Variants in KATNBL1 observed in about 807,000 individuals in gnomAD.
KATNBL1 encodes the protein katanin regulatory subunit B1 like 1.
KATNBL1 carries 28 observed loss-of-function variants against 44.7 expected under a neutral mutation model. The ratio of observed to expected loss-of-function variants is 0.63; its 90% CI spans 0.46 to 0.86. The LOEUF (loss-of-function observed/expected upper bound fraction) is 0.86. Ranked by LOEUF, KATNBL1 falls within the 40% of genes least tolerant of loss-of-function variation. The pLI, the probability that KATNBL1 is intolerant of heterozygous loss-of-function variation, is 0.00. For synonymous variants in KATNBL1, 78 were observed against 114.9 expected (o/e 0.68, Z 2.06); for missense variants, 272 against 350.7 (o/e 0.78, Z 1.79).
chr15:34,202,590 G>C (rs924072718), intron 1 of KATNBL1, among the ~76,000 whole-genome samples: 4 of 152,146 alleles, frequency 2.6e-5, no homozygotes, highest in African/African-American at 9.7e-5. Flanking sequence ...CTCTCTCAGG[G>C]AACACTTTCT....
At chr15:34,192,583 G>A (rs534807624) in intron 1 of KATNBL1, among the ~76,000 whole-genome samples, 1 of 152,224 alleles carries the variant, frequency 6.6e-6, no homozygotes, top group African/African-American at 2.4e-5. Flanking sequence ...TCTCTTCAAT[G>A]ACTGTATACG....
chr15:34,194,891 C>T lies in KATNBL1; in HGVS notation c.-15+15060G>A, dbSNP rs540540578. On this transcript the variant is annotated intron_variant, in intron 1 of 9. Transcript: ENST00000256544. ...CTAATCACAGAAATGCAAATTACAA[C>T]TACAATGAAATATCATCTTACACCA... Among the ~76,000 whole-genome samples, 17 of 152,232 alleles carry T rather than the reference C, an allele frequency of 1.1e-4. 1 individual carries two copies. Among genetic ancestry groups the T allele is most frequent in the Middle Eastern group, 3.4e-3 (1 of 294 alleles).
chr15:34,205,242 T>C (rs990330648), intron 1 of KATNBL1, among the ~76,000 whole-genome samples: 3 of 152,178 alleles, frequency 2.0e-5, no homozygotes, highest in Non-Finnish European at 4.4e-5. Flanking sequence ...ACCGCCCACG[T>C]AGGCCTCCCA....
At chr15:34,151,540 C>T (rs1888478170) in intron 4 of KATNBL1, among the ~76,000 whole-genome samples, 1 of 148,492 alleles carries the variant, frequency 6.7e-6, no homozygotes, top group East Asian at 2.0e-4. Context: ...CAACCTTTGC[C>T]TCCCGGGTTC....
Position 34,205,679 on chromosome 15 carries a change from C to CA in KATNBL1, c.-15+4271dup, listed in dbSNP as rs558110093. 2.6e-4 allele frequency among the ~76,000 whole-genome samples: 40 copies of CA among 152,306 alleles called. No individual in the cohort carries two copies. The East Asian group carries it at 7.1e-3, about 27-fold the overall frequency. On this transcript the variant is annotated intron_variant, in intron 1 of 9. Transcript: ENST00000256544. ...GCATTTTGAATTCCTTCAAGATACT[C>CA]AGAGCATCTGCGCAGTACTCCAACA... is the stretch of plus-strand genomic sequence containing the variant.
intron 1 of KATNBL1, among the ~76,000 whole-genome samples, chr15:34,180,667 C>T (rs890959572): frequency 2.0e-5 from 3 of 152,222 alleles, no homozygotes; most frequent in Admixed American, 2.0e-4. Flanking sequence ...CCCTTCCTAG[C>T]TATCACATTT....
At chr15:34,189,244 G>A (rs542245245) in intron 1 of KATNBL1, among the ~76,000 whole-genome samples, 1 of 152,094 alleles carries the variant, frequency 6.6e-6, no homozygotes, top group Non-Finnish European at 1.5e-5. Context: ...GGCTGGTCTC[G>A]AAGTCCCAAC....
In KATNBL1 at chr15:34,152,844, A is replaced by G. The variant is rs768282190; in HGVS notation, c.384T>C (p.Ser128=). 3 of 1,613,760 alleles carry G rather than the reference A, an allele frequency of 1.9e-6. No individual in the cohort carries two copies. The highest frequency in any genetic ancestry group is 2.5e-6 in the Non-Finnish European group (3 of 1,179,788). Residue 128 remains serine (S), a synonymous_variant, in exon 4 of 10, where the codon TCT becomes TCC. Coordinates refer to ENST00000256544, the MANE Select transcript of KATNBL1 (RefSeq NM_024713.3). ...ATGGGCTTTCTGTCTGTGAAGAACC[A>G]GAATCACTGGAGTTAACCAAATATG... ...SRTYLVNSSD[S]GSSQTESPSS...
chr15:34,150,354 G>A (rs1358216854), intron 4 of KATNBL1, among the ~76,000 whole-genome samples: 1 of 152,200 alleles, frequency 6.6e-6, no homozygotes, highest in Non-Finnish European at 1.5e-5. Flanking sequence ...ACTTTGGGCT[G>A]GGGCTGAGGC....
At chr15:34,204,116 T>TA (rs1339260141) in intron 1 of KATNBL1, among the ~76,000 whole-genome samples, 1 of 151,092 alleles carries the variant, frequency 6.6e-6, no homozygotes. Context: ...GCCAGAAAGT[T>TA]AAGACTCCCC....
chr15:34,181,572 CCATATATATACATATATATACA>C (rs1889527742), intron 1 of KATNBL1, among the ~76,000 whole-genome samples: 1 of 133,140 alleles, frequency 7.5e-6, no homozygotes, highest in Non-Finnish European at 1.6e-5. Flanking sequence ...ATATATATAT[CCATATATATACATATATATACA>C]CATATATATG....
chr15:34,151,596 C>T (rs905398473), intron 4 of KATNBL1, among the ~76,000 whole-genome samples: 9 of 151,490 alleles, frequency 5.9e-5, no homozygotes, highest in East Asian at 1.9e-4. Context: ...GCATTACAGG[C>T]GTGCACCACC....
At chr15:34,193,851 CAAAAAAAAAA>C (rs58951561) in intron 1 of KATNBL1, among the ~76,000 whole-genome samples, 24 of 63,550 alleles carry the variant, frequency 3.8e-4, no homozygotes, top group Admixed American at 1.3e-3. Flanking sequence ...GGCCCTGTCT[CAAAAAAAAAA>C]AAAAAAAAAA....
chr15:34,165,011 A>G (rs1888921468), intron 1 of KATNBL1, among the ~76,000 whole-genome samples: 1 of 152,256 alleles, frequency 6.6e-6, no homozygotes, highest in African/African-American at 2.4e-5. Flanking sequence ...AAGATTTCTT[A>G]CAGCTAATTA....
At chr15:34,197,950 G>A (rs950174149) in intron 1 of KATNBL1, among the ~76,000 whole-genome samples, 1 of 152,076 alleles carries the variant, frequency 6.6e-6, no homozygotes, top group Admixed American at 6.6e-5. Context: ...GTTTCACCAT[G>A]TTAGCCAGGC....
intron 1 of KATNBL1, among the ~76,000 whole-genome samples, chr15:34,203,543 T>C (rs1305504043): frequency 1.3e-5 from 2 of 152,206 alleles, no homozygotes. Context: ...TCTATAGCAG[T>C]ACCCTGTATT....
At chr15:34,160,605 T>C (rs1360714410) in intron 2 of KATNBL1, among the ~76,000 whole-genome samples, 2 of 152,232 alleles carry the variant, frequency 1.3e-5, no homozygotes, top group Non-Finnish European at 2.9e-5. Flanking sequence ...GTTTAGACTC[T>C]TGAATTCTTT....
intron 4 of KATNBL1, among the ~76,000 whole-genome samples, chr15:34,149,536 G>A (rs994383548): frequency 1.3e-5 from 2 of 151,622 alleles, no homozygotes; most frequent in African/African-American, 4.8e-5. Flanking sequence ...TAATTCTCCT[G>A]CCTCACCCTC....
At chr15:34,182,252 A>G (rs7163031) in intron 1 of KATNBL1, among the ~76,000 whole-genome samples, 137,318 of 152,114 alleles carry the variant, frequency 0.9, 62,066 homozygotes, top group East Asian at 0.99. Flanking sequence ...TTTTTGGCAG[A>G]TCATTTATTC....
Sources: allele counts gnomAD v4.1 joint callset (sites outside exome capture counted in the v4.1 genomes callset), GRCh38; gene constraint gnomAD v4.1.1; transcripts MANE v1.5; gene names NCBI Gene and HGNC (gene_info 2026-07-23, HGNC 2026-07-21).